The following SCAND3 variants were observed in gnomAD, a reference collection of about 807,000 sequenced individuals.
SCAND3 encodes the protein SCAN domain containing 3.
At chr6:28,608,887 G>A in the SCAND3 span, among the ~76,000 whole-genome samples, 1 of 151,610 alleles carries the variant, frequency 6.6e-6, no homozygotes, top group South Asian at 2.1e-4. Flanking sequence ...TAGCTACTTG[G>A]GAGGCTGAGG....
At chr6:28,604,403 G>T in the SCAND3 span, among the ~76,000 whole-genome samples, 2 of 151,916 alleles carry the variant, frequency 1.3e-5, no homozygotes, top group Admixed American at 6.6e-5. Context: ...GATTACCTAA[G>T]GTCAGGAGTT....
the SCAND3 span, among the ~76,000 whole-genome samples, chr6:28,606,223 G>A: frequency 6.6e-6 from 1 of 152,162 alleles, no homozygotes; most frequent in Admixed American, 6.5e-5. Context: ...ATCTAAATCT[G>A]AGTAAAGGAT....
At chr6:28,591,604 T>C in the SCAND3 span, 9 of 152,326 alleles carry the variant, frequency 5.9e-5, 1 homozygote, top group Admixed American at 5.9e-4. Flanking sequence ...ATCAAGTTCC[T>C]CGTAGTCACT....
the SCAND3 span, among the ~76,000 whole-genome samples, chr6:28,596,931 T>C: frequency 6.6e-6 from 1 of 152,356 alleles, no homozygotes; most frequent in East Asian, 1.9e-4. Flanking sequence ...TAACTTGTTG[T>C]ACATATTTAT....
the SCAND3 span, among the ~76,000 whole-genome samples, chr6:28,580,061 G>C: frequency 1.1e-4 from 17 of 152,272 alleles, no homozygotes; most frequent in African/African-American, 3.6e-4. Context: ...CATAGGAGGA[G>C]ATGAAAGCCT....
At chr6:28,579,557 G>A in the SCAND3 span, 1 of 791,430 alleles carries the variant, frequency 1.3e-6, no homozygotes, top group Non-Finnish European at 2.0e-6. This position sits in a 1 kb window ranked among gnomAD's most constrained non-coding sequence, Gnocchi z 4.5. Flanking sequence ...GATAAAACAT[G>A]AAGAGAAATG....
the SCAND3 span, among the ~76,000 whole-genome samples, chr6:28,613,527 A>G: frequency 6.6e-6 from 1 of 152,182 alleles, no homozygotes; most frequent in Non-Finnish European, 1.5e-5. Context: ...TTTAGTCTTG[A>G]ACCATTCCCT....
the SCAND3 span, among the ~76,000 whole-genome samples, chr6:28,600,860 T>G: frequency 6.6e-6 from 1 of 151,956 alleles, no homozygotes; most frequent in African/African-American, 2.4e-5. Flanking sequence ...TCTTTTTGTT[T>G]TCTGTGACAC....
the SCAND3 span, among the ~76,000 whole-genome samples, chr6:28,582,647 G>A: frequency 5.9e-5 from 9 of 152,178 alleles, no homozygotes; most frequent in Non-Finnish European, 1.0e-4. The surrounding 1 kb of genome is among the most constrained non-coding windows in gnomAD (Gnocchi z 4.8). Context: ...CCCGGCTGGC[G>A]CACGGTGGCT....
At chr6:28,615,913 G>T in the SCAND3 span, 2 of 152,172 alleles carry the variant, frequency 1.3e-5, no homozygotes, top group African/African-American at 4.8e-5. Flanking sequence ...TACAAGATGT[G>T]TGATATTCTT....
the SCAND3 span, among the ~76,000 whole-genome samples, chr6:28,598,392 T>G: frequency 4.6e-5 from 7 of 152,190 alleles, no homozygotes; most frequent in Admixed American, 3.3e-4. Flanking sequence ...TTGTATTGTT[T>G]GTCCTTCCTT....
chr6:28,582,627 T>TA, the SCAND3 span, among the ~76,000 whole-genome samples: 1 of 152,128 alleles, frequency 6.6e-6, no homozygotes, highest in East Asian at 1.9e-4. The surrounding 1 kb of genome is among the most constrained non-coding windows in gnomAD (Gnocchi z 4.8). Context: ...TTATTAAAAC[T>TA]ATAACAACTC....
the SCAND3 span, among the ~76,000 whole-genome samples, chr6:28,581,044 C>G: frequency 9.9e-5 from 15 of 151,790 alleles, no homozygotes; most frequent in African/African-American, 3.6e-4. Context: ...TTTTTTTTAA[C>G]GCTGGAAAGA....
chr6:28,571,865 T>C, the SCAND3 span: 23 of 1,591,480 alleles, frequency 1.4e-5, no homozygotes, highest in Non-Finnish European at 2.0e-5. Context: ...TCAATGCTTA[T>C]ATGCATACTT....
At chr6:28,603,129 A>T in the SCAND3 span, among the ~76,000 whole-genome samples, 3 of 151,302 alleles carry the variant, frequency 2.0e-5, no homozygotes, top group Non-Finnish European at 4.4e-5. Context: ...GTCCAGCTAA[A>T]TTTTTTTTGT....
the SCAND3 span, among the ~76,000 whole-genome samples, chr6:28,583,763 G>T: frequency 6.6e-6 from 1 of 152,212 alleles, no homozygotes; most frequent in Non-Finnish European, 1.5e-5. Context: ...GAAGTGAAAA[G>T]CTCTTGGGAG....
At chr6:28,574,818 C>T in the SCAND3 span, 2 of 1,614,084 alleles carry the variant, frequency 1.2e-6, no homozygotes, top group Non-Finnish European at 1.7e-6. Flanking sequence ...GTTGAGAGGG[C>T]ACTCCACAAA....
the SCAND3 span, chr6:28,576,242 G>T: frequency 1.2e-6 from 1 of 835,012 alleles, no homozygotes; most frequent in Non-Finnish European, 1.8e-6. Flanking sequence ...AGGGAATATG[G>T]ACACACAAAA....
chr6:28,574,574 A>C, the SCAND3 span: 3 of 1,356,496 alleles, frequency 2.2e-6, no homozygotes, highest in Non-Finnish European at 3.1e-6. Context: ...TTGTCACACA[A>C]CACTTATTCA....
Sources: allele counts gnomAD v4.1 joint callset (sites outside exome capture counted in the v4.1 genomes callset), GRCh38; gene constraint gnomAD v4.1.1; non-coding constraint Gnocchi (gnomAD v3.1); transcripts MANE v1.5; gene names NCBI Gene and HGNC (gene_info 2026-07-23, HGNC 2026-07-21).